The following SPTBN2 variants were observed in gnomAD, a reference collection of about 807,000 sequenced individuals.
SPTBN2 encodes spectrin beta, non-erythrocytic 2.
SPTBN2 carries 107 observed loss-of-function variants against 284.2 expected under a neutral mutation model. That is an observed-to-expected ratio of 0.38 (90% confidence interval 0.32 to 0.44). The LOEUF (loss-of-function observed/expected upper bound fraction) is 0.44. Ranked by LOEUF, SPTBN2 falls within the 20% of genes least tolerant of loss-of-function variation. SPTBN2 has a pLI of 1.00. For synonymous variants in SPTBN2, 1,289 were observed against 1,354.8 expected (o/e 0.95, Z 1.07); for missense variants, 2,569 against 3,287.1 (o/e 0.78, Z 5.34).
At chr11:66,697,119 TGA>T (rs1217816601) in intron 20 of SPTBN2, among the ~76,000 whole-genome samples, 1 of 152,160 alleles carries the variant, frequency 6.6e-6, no homozygotes, top group African/African-American at 2.4e-5. Context: ...GCCGTGGCTG[TGA>T]GAGTGCTGTG....
chr11:66,699,604 T>C lies in SPTBN2; in HGVS notation c.3578A>G (p.Tyr1193Cys). The C allele has an allele frequency of 1.9e-6, 3 of 1,614,036 alleles. No homozygotes were observed. The highest frequency in any genetic ancestry group is 2.5e-6 in the Non-Finnish European group (3 of 1,180,020). The change falls in exon 18 of 38, where the codon TAT becomes TGT. Residue 1193 changes from tyrosine (Y) to cysteine (C), a missense_variant. Physicochemically the swap from Tyr to Cys is radical, Grantham distance 194 (BLOSUM62 -2). This residue lies in a region of SPTBN2 where 1,012 missense variants were observed against 1,248.9 expected (regional missense o/e 0.81). Transcript: ENST00000533211. ...TGGCATCTCCGTGTGAGACAGAACA[T>C]ATTCCTGTGTGGGAGGGATGACATT... The part of the protein sequence containing the change: ...QAEGVLSSQE[Y>C]VLSHTEMPGT...
At chr11:66,699,369 C>A in intron 18 of SPTBN2, 37 bp downstream of exon 18, 1 of 1,609,068 alleles carries the variant, frequency 6.2e-7, no homozygotes, top group Non-Finnish European at 8.5e-7. Context: ...CCGATTCCCC[C>A]CTGGGAACCC....
exon 1 of SPTBN2, chr11:66,744,632 G>C (rs1473167358): frequency 6.6e-6 from 2 of 303,952 alleles, no homozygotes; most frequent in African/African-American, 2.2e-5. Flanking sequence ...AGAGGCTCTA[G>C]GTGGCTCCCG....
chr11:66,697,232 C>T (rs1590929589), intron 20 of SPTBN2, among the ~76,000 whole-genome samples: 2 of 152,264 alleles, frequency 1.3e-5, no homozygotes, highest in African/African-American at 2.4e-5. Context: ...CTCATGGCTC[C>T]ACCCCCCTAC....
intron 19 of SPTBN2, 57 bp downstream of exon 19, chr11:66,698,935 G>A: frequency 1.2e-6 from 2 of 1,607,478 alleles, no homozygotes; most frequent in Non-Finnish European, 1.7e-6. Context: ...ACTTATTCTA[G>A]GCTCAAGGTG....
chr11:66,699,327 G>T (rs1260350551), intron 18 of SPTBN2, 79 bp downstream of exon 18: 8 of 1,558,160 alleles, frequency 5.1e-6, no homozygotes, highest in Non-Finnish European at 7.0e-6. Context: ...GGTTTCCTGT[G>T]CCACGTTTAT....
rs373505720 is a variant in SPTBN2, at chr11:66,741,217, A to G, written c.-475+3325T>C. 6.6e-5 allele frequency among the ~76,000 whole-genome samples: 10 copies of G among 152,210 alleles called. No individual in the cohort carries two copies. The East Asian group carries it at 1.7e-3, about 26-fold the overall frequency. ...GGAGGGACCAGGCGGAGATAATTCA[A>G]TCATGGGGGCAGTTTCCCTCATCCT... On this transcript the variant is annotated intron_variant, in intron 1 of 37. Coordinates refer to the SPTBN2 transcript ENST00000611817.
Position 66,694,053 on chromosome 11 carries a change from T to C in SPTBN2, c.4503+86A>G, listed in dbSNP as rs1590924094. Reference sequence around the variant, plus strand: ...CCAAAGAGAAGAGGGAATAGAGCCCTGCTGGCATCTCCCTGGCATCCAGGA... The same window carrying C: ...CCAAAGAGAAGAGGGAATAGAGCCCCGCTGGCATCTCCCTGGCATCCAGGA... On this transcript the variant is annotated intron_variant, in intron 22 of 37. Transcript: ENST00000533211. 2.0e-6 allele frequency: 3 copies of C among 1,521,296 alleles called. No individual in the cohort carries two copies. The East Asian group carries it at 6.7e-5, about 34-fold the overall frequency. The allele number at this position is 1,521,296 out of a possible 1,614,324, so 94.2% of individuals were successfully genotyped here.
At chr11:66,688,912 G>GC in intron 30 of SPTBN2, 63 bp from the exon 31 acceptor site, 1 of 1,583,358 alleles carries the variant, frequency 6.3e-7, no homozygotes, top group Admixed American at 1.7e-5. Flanking sequence ...GGGCACAGTG[G>GC]CCATGGCAAC....
chr11:66,686,236 G>T, intron 37 of SPTBN2, 132 bp from the exon 38 acceptor site: 2 of 1,372,202 alleles, frequency 1.5e-6, no homozygotes, highest in Non-Finnish European at 2.1e-6. Context: ...GAATGTGGCC[G>T]GCTTAGACAG....
At chr11:66,732,821 C>T (rs1230553718), upstream of SPTBN2, among the ~76,000 whole-genome samples, 2 of 151,380 alleles carry the variant, frequency 1.3e-5, no homozygotes, top group East Asian at 3.9e-4. Context: ...CAAGAATTAG[C>T]CGGGCGTGGT....
rs965158084 is a variant in SPTBN2, at chr11:66,694,025, A to G, written c.4503+114T>C. The G allele has an allele frequency of 5.7e-6, 8 of 1,408,172 alleles. No homozygotes were observed. In the Admixed American group the frequency reaches 1.1e-4, roughly 19 times the overall value. 87.2% of individuals were successfully genotyped at this position (1,408,172 alleles called of 1,614,324 possible). ...AGTCTCCCTATAGGGGAGATGGTCA[A>G]TGCCAAAGAGAAGAGGGAATAGAGC... On this transcript the variant is annotated intron_variant, in intron 22 of 37. Transcript: ENST00000533211.
At chr11:66,726,797 C>A (rs890408101) in intron 1 of SPTBN2, among the ~76,000 whole-genome samples, 5 of 152,162 alleles carry the variant, frequency 3.3e-5, no homozygotes, top group Non-Finnish European at 7.3e-5. Flanking sequence ...GAAATGGGGA[C>A]TTTGGCAAAG....
chr11:66,742,442 T>C (rs1942902200), intron 1 of SPTBN2, among the ~76,000 whole-genome samples: 1 of 152,016 alleles, frequency 6.6e-6, no homozygotes, highest in African/African-American at 2.4e-5. Flanking sequence ...AGGGTGGTAT[T>C]GGGTGCTCCA....
chr11:66,707,831 C>T lies in SPTBN2; in HGVS notation c.1351-13G>A, dbSNP rs758815567. 6.2e-7 allele frequency: 1 copy of T among 1,606,780 alleles called. No homozygotes were observed. The highest frequency in any genetic ancestry group is 8.5e-7 in the Non-Finnish European group (1 of 1,179,752). On this transcript the variant is annotated splice_polypyrimidine_tract_variant and intron_variant, in intron 12 of 37. Transcript: ENST00000533211. The surrounding 1 kb of genome is among the most constrained non-coding windows in gnomAD (Gnocchi z 4.9). ...GCCCAAAGTTGTCCTGTGTCGGGGG[C>T]AGGGAGAGGAGGTGTGGGGACCAAG...
At chr11:66,741,814 C>T (rs555683598) in intron 1 of SPTBN2, among the ~76,000 whole-genome samples, 1 of 152,124 alleles carries the variant, frequency 6.6e-6, no homozygotes, top group South Asian at 2.1e-4. Flanking sequence ...AGCAAAAAAC[C>T]GTTTTTAAAA....
At chr11:66,738,883 C>A (rs1386901745) in intron 1 of SPTBN2, among the ~76,000 whole-genome samples, 1 of 151,932 alleles carries the variant, frequency 6.6e-6, no homozygotes, top group Non-Finnish European at 1.5e-5. Flanking sequence ...CCAATCTCAG[C>A]TCACTGCAAC....
chr11:66,699,195 C>G, intron 18 of SPTBN2, 113 bp from the exon 19 acceptor site: 1 of 1,393,528 alleles, frequency 7.2e-7, no homozygotes, highest in Non-Finnish European at 1.0e-6. Flanking sequence ...TCCGGGAGCA[C>G]AATGAGGCTA....
chr11:66,684,674 T>C lies in SPTBN2; in HGVS notation c.*1197A>G, dbSNP rs1939999131. On this transcript the variant is annotated 3_prime_UTR_variant, in exon 38 of 38. Transcript: ENST00000533211. ...AAAAGAATATATATTATCCTCTGTGTGTATATTTACATGCTTGGGCTGTAA... is the reference window on the plus strand; with the variant it reads ...AAAAGAATATATATTATCCTCTGTGCGTATATTTACATGCTTGGGCTGTAA... Among the ~76,000 whole-genome samples the C allele has an allele frequency of 6.6e-6, 1 of 151,796 alleles. No homozygotes were observed. The highest frequency in any genetic ancestry group is 6.6e-5 in the Admixed American group (1 of 15,226).
Sources: allele counts gnomAD v4.1 joint callset (sites outside exome capture counted in the v4.1 genomes callset), GRCh38; gene constraint gnomAD v4.1.1; regional missense constraint gnomAD v4.1.1; non-coding constraint Gnocchi (gnomAD v3.1); transcripts MANE v1.5; gene names NCBI Gene and HGNC (gene_info 2026-07-23, HGNC 2026-07-21).